LARS1: variants seen among roughly 807,000 people sequenced by gnomAD.
The protein encoded by LARS1 is leucyl-tRNA synthetase 1.
In LARS1, 100 loss-of-function variants were observed where a neutral mutation model predicts 162.8. That is an observed-to-expected ratio of 0.61 (90% CI 0.52 to 0.73). LARS1 has a LOEUF of 0.73. Among genes scored for constraint, LARS1 ranks in the 30% least tolerant of loss-of-function variants. LARS1 has a pLI of 0.00. For missense variants in LARS1, 1,258 were observed against 1,408.9 expected, an observed-to-expected ratio of 0.89 and a Z score of 1.71; for synonymous variants, 457 against 462.8, an observed-to-expected ratio of 0.99 and a Z score of 0.16.
In LARS1 at chr5:146,175,811, G is replaced by C. The variant is rs1461107589; in HGVS notation, c.125+1736C>G. Among the ~76,000 whole-genome samples the C allele has an allele frequency of 2.0e-5, 3 of 150,022 alleles. No homozygotes were observed. The East Asian group carries it at 5.9e-4, about 29-fold the overall frequency. On this transcript the variant is annotated intron_variant, in intron 2 of 31. Coordinates refer to ENST00000394434, the MANE Select transcript of LARS1 (RefSeq NM_020117.11). ...CCACTGCACTCCAGCCTGGGTGACA[G>C]AGCAAGACTCCGTCTCAAAAAAAAA...
intron 21 of LARS1, chr5:146,139,841 C>G (rs1752687136): frequency 6.7e-6 from 1 of 149,230 alleles, no homozygotes; most frequent in Non-Finnish European, 1.2e-5. Context: ...CGTCACTGCA[C>G]TCCAGTGTGG....
At chr5:146,173,977 C>A (rs1267602449) in intron 2 of LARS1, among the ~76,000 whole-genome samples, 2 of 152,036 alleles carry the variant, frequency 1.3e-5, no homozygotes, top group Admixed American at 6.6e-5. Flanking sequence ...TTACTGCATA[C>A]ACCTATAGTT....
chr5:146,182,609 A>C lies in LARS1; in HGVS notation c.-116T>G. The C allele has an allele frequency of 7.6e-7, 1 of 1,317,702 alleles. No homozygotes were observed. The highest frequency in any genetic ancestry group is 1.1e-6 in the Non-Finnish European group (1 of 912,552). 81.6% of individuals were successfully genotyped at this position (1,317,702 alleles called of 1,614,324 possible). A position where few individuals can be genotyped will look rare whatever the true frequency, so the allele number is the denominator to read the frequency against. On this transcript the variant is annotated 5_prime_UTR_variant, in exon 1 of 32. Transcript: ENST00000394434. ...GCCAGGCCTCCCACGAAACTAAAGC[A>C]CACGCTTCACACCTGCTGAGGCAAT...
Position 146,149,524 on chromosome 5 carries a change from T to C in LARS1, c.1503+98A>G, listed in dbSNP as rs993245869. The C allele has an allele frequency of 1.2e-5, 10 of 829,068 alleles. No homozygotes were observed. In the African/African-American group the frequency reaches 1.4e-4, roughly 11 times the overall value. The allele number at this position is 829,068 out of a possible 1,614,324, so 51.4% of individuals were successfully genotyped here. ...GCAAAACTGTATGATATTTTTATTA[T>C]AGCTCCAGGTTCTACTGTAGAACTC... On this transcript the variant is annotated intron_variant, in intron 15 of 31. Coordinates refer to ENST00000394434, the MANE Select transcript of LARS1 (RefSeq NM_020117.11).
rs372144277 is a variant in LARS1 at position 146,128,687 on chromosome 5, T to C, written c.2865A>G (p.Leu955=). ...AGAGCATCACCTCAAAGTGTTTACG[T>C]AGAACAGACAGGGTGGTATGTTGCC... is the stretch of plus-strand genomic sequence containing the variant. ...PPWQHTTLSV[L]RKHFEANNGK... Residue 955 remains leucine, a synonymous_variant, in exon 27 of 32, where the codon CTA becomes CTG. Transcript: ENST00000394434. 5.1e-6 allele frequency: 8 copies of C among 1,580,840 alleles called. No individual in the cohort carries two copies. Among genetic ancestry groups the C allele is most frequent in the Admixed American group, 4.1e-5 (2 of 48,794 alleles).
chr5:146,174,850 A>G (rs1754482514), intron 2 of LARS1, among the ~76,000 whole-genome samples: 1 of 150,842 alleles, frequency 6.6e-6, no homozygotes, highest in South Asian at 2.1e-4. Flanking sequence ...TTGGGAGGCA[A>G]AAGTGGGAGG....
intron 31 of LARS1, among the ~76,000 whole-genome samples, chr5:146,115,200 T>C (rs1764155527): frequency 6.6e-6 from 1 of 152,140 alleles, no homozygotes; most frequent in Non-Finnish European, 1.5e-5. Flanking sequence ...GTGTATTTTT[T>C]AGCATTATCC....
intron 21 of LARS1, among the ~76,000 whole-genome samples, chr5:146,136,939 C>A (rs116715284): frequency 6.6e-6 from 1 of 152,072 alleles, no homozygotes. Flanking sequence ...TCACTCTTGT[C>A]GCGCAAGGCC....
At chr5:146,140,891 A>G (rs975749588) in intron 20 of LARS1, among the ~76,000 whole-genome samples, 2 of 152,212 alleles carry the variant, frequency 1.3e-5, no homozygotes, top group African/African-American at 4.8e-5. Context: ...ACACACATAT[A>G]TATACACATA....
At position 146,157,741 on chromosome 5, in the gene LARS1, G is replaced by C; in HGVS notation, c.826C>G (p.Pro276Ala). The change falls in exon 9 of 32, where the codon CCA (proline) becomes GCA (alanine). Residue 276 changes from proline (P) to alanine (A), a missense_variant. Transcript: ENST00000394434. ...TGGCAAACCTACCTTAATTTAGATG[G>C]GTATGGCTCAAGCACCTTCAATTTG... The part of the protein sequence containing the change: ...LLKLKVLEPY[P>A]SKLSGLKGKN... 4 of 1,614,006 alleles carry C rather than the reference G, an allele frequency of 2.5e-6. No homozygotes were observed. Among genetic ancestry groups the C allele is most frequent in the Non-Finnish European group, 3.4e-6 (4 of 1,179,956 alleles).
Position 146,130,032 on chromosome 5 carries a change from T to C in LARS1, c.2614A>G (p.Thr872Ala). 1 of 1,612,778 alleles carries C rather than the reference T, an allele frequency of 6.2e-7. No homozygotes were observed. Among genetic ancestry groups the C allele is most frequent in the Non-Finnish European group, 8.5e-7 (1 of 1,179,608 alleles). The stretch of plus-strand genomic sequence containing the variant: ...CATGAAGGTACCTTTCCCAGGAGTG[T>C]CCAGATGTGCTCACACAAATGTGGA... The part of the protein sequence containing the change: ...FCPHLCEHIW[T>A]LLGKPDSIMN... The change falls in exon 25 of 32, where the codon ACA becomes GCA. Residue 872 changes from threonine to alanine, a missense_variant. By Grantham distance (58) the Thr-to-Ala change is moderately conservative. Transcript: ENST00000394434.
At chr5:146,136,138 C>T (rs563367857) in intron 21 of LARS1, among the ~76,000 whole-genome samples, 2 of 152,324 alleles carry the variant, frequency 1.3e-5, no homozygotes, top group African/African-American at 4.8e-5. Context: ...GGCAATGCAT[C>T]GGAAGAGGCA....
intron 10 of LARS1, among the ~76,000 whole-genome samples, chr5:146,156,892 C>T (rs1753554960): frequency 6.6e-6 from 1 of 151,824 alleles, no homozygotes; most frequent in South Asian, 2.1e-4. Flanking sequence ...TTGGGGAGGA[C>T]TGCCTATATT....
Position 146,142,859 on chromosome 5 carries a change from T to C in LARS1, c.2090+13A>G, listed in dbSNP as rs1561811244. On this transcript the variant is annotated intron_variant, in intron 20 of 31. Transcript: ENST00000394434. ...AATCAATAAATCTAGTCCACACCTA[T>C]TTTATCATTCACCTTTGTTCCGGCC... The C allele has an allele frequency of 5.6e-6, 9 of 1,601,046 alleles. No homozygotes were observed. Among genetic ancestry groups the C allele is most frequent in the Non-Finnish European group, 6.8e-6 (8 of 1,169,020 alleles).
At chr5:146,164,613 A>T in intron 5 of LARS1, 142 bp from the exon 6 acceptor site, 13 of 810,642 alleles carry the variant, frequency 1.6e-5, no homozygotes, top group Non-Finnish European at 2.2e-5. Context: ...TAGTTGTACT[A>T]TTAGTCTGTA....
chr5:146,182,603 T>G lies in LARS1; in HGVS notation c.-110A>C. ...GGGGATGCCAGGCCTCCCACGAAAC[T>G]AAAGCACACGCTTCACACCTGCTGA... On this transcript the variant is annotated 5_prime_UTR_variant, in exon 1 of 32. An upstream open reading frame in the 5' UTR loses its in-frame stop. Transcript: ENST00000394434. The G allele has an allele frequency of 7.1e-7, 1 of 1,416,816 alleles. No homozygotes were observed. The highest frequency in any genetic ancestry group is 1.0e-6 in the Non-Finnish European group (1 of 1,001,504). 87.8% of individuals were successfully genotyped at this position (1,416,816 alleles called of 1,614,324 possible). A position where few individuals can be genotyped will look rare whatever the true frequency, so the allele number is the denominator to read the frequency against.
At chr5:146,166,522 A>G (rs1048176417) in intron 5 of LARS1, among the ~76,000 whole-genome samples, 11 of 151,986 alleles carry the variant, frequency 7.2e-5, no homozygotes, top group African/African-American at 2.7e-4. Context: ...CCAGCAACAT[A>G]GTGAGACTCC....
intron 30 of LARS1, 119 bp from the exon 31 acceptor site, chr5:146,120,622 G>A: frequency 1.0e-6 from 1 of 978,160 alleles, no homozygotes; most frequent in Middle Eastern, 2.1e-4. Context: ...TTAAAATCAT[G>A]ACTAAGGAGT....
At position 146,139,061 on chromosome 5, in the gene LARS1, G is replaced by C. The variant is rs553306876; in HGVS notation, c.2148+1143C>G. The C allele has an allele frequency of 3.0e-5, 7 of 235,044 alleles. No individual in the cohort carries two copies. In the East Asian group the frequency reaches 7.6e-4, roughly 26 times the overall value. The allele number at this position is 235,044 out of a possible 1,614,324, so 14.6% of individuals were successfully genotyped here. On this transcript the variant is annotated intron_variant, in intron 21 of 31. Transcript: ENST00000394434. ...TTGTGAAAAAAAAAAAAAAAAAAAT[G>C]GCCGAGTGCAGTGGCTCATGCCTGT... is the stretch of plus-strand genomic sequence containing the variant.
Sources: gnomAD v4.1 joint callset for allele counts (sites outside exome capture counted in the v4.1 genomes callset) on GRCh38, gnomAD v4.1.1 for gene constraint, MANE v1.5 for transcripts, NCBI Gene and HGNC (gene_info 2026-07-23, HGNC 2026-07-21) for gene names.